Variants in OSBPL8 observed in about 807,000 individuals in gnomAD.
The protein encoded by OSBPL8 is oxysterol binding protein like 8.
A neutral mutation model predicts 125.5 loss-of-function variants in OSBPL8; 59 were observed. That is an observed-to-expected ratio of 0.47 (90% confidence interval 0.38 to 0.58). OSBPL8 has a LOEUF of 0.58. Ranked by LOEUF, OSBPL8 falls within the 20% of genes least tolerant of loss-of-function variation. The probability of loss-of-function intolerance (pLI) is 0.00; values close to 1 mark genes in which losing one functional copy is unlikely to be tolerated. For missense variants in OSBPL8, 758 were observed against 1,047.8 expected (o/e 0.72, Z 3.82); for synonymous variants, 330 against 338.9 (o/e 0.97, Z 0.29).
chr12:76,426,721 C>T (rs568423541), intron 4 of OSBPL8, among the ~76,000 whole-genome samples: 1 of 152,240 alleles, frequency 6.6e-6, no homozygotes, highest in South Asian at 2.1e-4. Context: ...AGTACATATA[C>T]ATGTAAATGT....
intron 2 of OSBPL8, among the ~76,000 whole-genome samples, chr12:76,472,635 G>C (rs1275269834): frequency 6.6e-6 from 1 of 152,258 alleles, no homozygotes; most frequent in African/African-American, 2.4e-5. Context: ...CCACTGGACA[G>C]GGGGCCCTTC....
At chr12:76,437,890 A>G (rs1456198543) in intron 4 of OSBPL8, among the ~76,000 whole-genome samples, 1 of 151,954 alleles carries the variant, frequency 6.6e-6, no homozygotes, top group Non-Finnish European at 1.5e-5. Flanking sequence ...ATTTTCTGTT[A>G]TTTTAAGTAG....
At position 76,547,608 on chromosome 12, in the gene OSBPL8, C is replaced by T. The variant is rs1157009410; in HGVS notation, c.-68+11789G>A. Among the ~76,000 whole-genome samples, 6 of 152,172 alleles carry T rather than the reference C, an allele frequency of 3.9e-5. No individual in the cohort carries two copies. The East Asian group carries it at 5.8e-4, about 15-fold the overall frequency. On this transcript the variant is annotated intron_variant, in intron 1 of 23. Coordinates refer to ENST00000261183, the MANE Select transcript of OSBPL8 (RefSeq NM_020841.5). The stretch of plus-strand genomic sequence containing the variant: ...GGAGGAAAAAATATCAACTACTGAA[C>T]CAAAGTAGCTATCACACATGAGGCA...
chr12:76,409,281 GAAGA>G (rs1435505661), intron 5 of OSBPL8, among the ~76,000 whole-genome samples: 1 of 152,112 alleles, frequency 6.6e-6, no homozygotes, highest in Admixed American at 6.5e-5. Context: ...CCTATCCTTA[GAAGA>G]AAGAATCCAA....
intron 12 of OSBPL8, among the ~76,000 whole-genome samples, chr12:76,389,393 T>C (rs1038863352): frequency 6.6e-6 from 1 of 152,204 alleles, no homozygotes; most frequent in African/African-American, 2.4e-5. Context: ...ACGGCAGTGT[T>C]GTTGAGTAAA....
At chr12:76,413,480 C>T (rs1035047627) in intron 4 of OSBPL8, among the ~76,000 whole-genome samples, 2 of 152,156 alleles carry the variant, frequency 1.3e-5, no homozygotes, top group Non-Finnish European at 2.9e-5. Context: ...GGAAATGTAT[C>T]GTGGTAGACA....
intron 22 of OSBPL8, 141 bp downstream of exon 22, chr12:76,358,565 G>A (rs1397543347): frequency 1.5e-6 from 1 of 651,044 alleles, no homozygotes; most frequent in Non-Finnish European, 2.7e-6. Flanking sequence ...ACTTATCTAT[G>A]ATCTAGAATT....
rs141694560 is a variant in OSBPL8, at chr12:76,357,009, T to G, written c.2435-281A>C. ...AATTCATTAGAAATACATATTAACT[T>G]GAGGAAGGTATTACTCTCTTCTGTT... On this transcript the variant is annotated intron_variant, in intron 22 of 23. Transcript: ENST00000261183. 2.8e-3 allele frequency among the ~76,000 whole-genome samples: 426 copies of G among 152,332 alleles called. 2 individuals carry two copies. The highest frequency in any genetic ancestry group is 9.9e-3 in the African/African-American group (410 of 41,588).
chr12:76,495,587 C>T (rs1879187760), intron 1 of OSBPL8, among the ~76,000 whole-genome samples: 1 of 152,030 alleles, frequency 6.6e-6, no homozygotes, highest in Non-Finnish European at 1.5e-5. Context: ...AAGTCTGATA[C>T]TATGTCTCTA....
At chr12:76,391,752 G>A (rs561438066) in intron 10 of OSBPL8, among the ~76,000 whole-genome samples, 1 of 151,954 alleles carries the variant, frequency 6.6e-6, no homozygotes, top group South Asian at 2.1e-4. Flanking sequence ...AACAGAGTGA[G>A]TCCCTGGCTC....
At chr12:76,549,770 T>C (rs1458319194) in intron 1 of OSBPL8, among the ~76,000 whole-genome samples, 3 of 152,152 alleles carry the variant, frequency 2.0e-5, no homozygotes, top group Non-Finnish European at 4.4e-5. Flanking sequence ...TATTTCTAAC[T>C]AACAATATTG....
At chr12:76,389,229 C>T (rs1953454034) in intron 12 of OSBPL8, among the ~76,000 whole-genome samples, 2 of 152,098 alleles carry the variant, frequency 1.3e-5, no homozygotes, top group South Asian at 4.2e-4. Context: ...TCTGGTAAGC[C>T]GTACATACCT....
At chr12:76,453,631 A>T (rs990840155) in intron 3 of OSBPL8, among the ~76,000 whole-genome samples, 21 of 152,188 alleles carry the variant, frequency 1.4e-4, no homozygotes, top group African/African-American at 5.1e-4. Flanking sequence ...AATCTTTAGA[A>T]TAAGAGAATA....
intron 1 of OSBPL8, among the ~76,000 whole-genome samples, chr12:76,537,464 T>C (rs1950528908): frequency 6.6e-6 from 1 of 152,186 alleles, no homozygotes; most frequent in Non-Finnish European, 1.5e-5. Flanking sequence ...GTGTTTCATA[T>C]ACAGAAAAGT....
chr12:76,433,534 A>G (rs1311069930), intron 4 of OSBPL8, among the ~76,000 whole-genome samples: 1 of 152,180 alleles, frequency 6.6e-6, no homozygotes, highest in Non-Finnish European at 1.5e-5. Flanking sequence ...ATAGTGATGA[A>G]GGAAATGAAA....
intron 1 of OSBPL8, among the ~76,000 whole-genome samples, chr12:76,498,828 T>C (rs1420556703): frequency 6.8e-6 from 1 of 147,976 alleles, no homozygotes; most frequent in Non-Finnish European, 1.5e-5. Context: ...CAGGTGATCA[T>C]CTCACCTCAA....
At chr12:76,386,086 A>G (rs1004520938) in intron 14 of OSBPL8, 82 bp downstream of exon 14, 15 of 1,509,156 alleles carry the variant, frequency 9.9e-6, no homozygotes, top group Non-Finnish European at 1.2e-5. Context: ...AATAATATTG[A>G]GTTTACTGGG....
At chr12:76,502,644 C>T (rs1880020192) in intron 1 of OSBPL8, among the ~76,000 whole-genome samples, 1 of 152,134 alleles carries the variant, frequency 6.6e-6, no homozygotes, top group African/African-American at 2.4e-5. Flanking sequence ...TGATTAAAGT[C>T]AACAGAAAAT....
intron 2 of OSBPL8, among the ~76,000 whole-genome samples, chr12:76,481,383 G>C (rs1041236964): frequency 1.3e-5 from 2 of 152,164 alleles, no homozygotes; most frequent in South Asian, 2.1e-4. Flanking sequence ...AAATGCCTTA[G>C]AGGCCAATTA....
Sources: gnomAD v4.1 joint callset for allele counts (sites outside exome capture counted in the v4.1 genomes callset) on GRCh38, gnomAD v4.1.1 for gene constraint, MANE v1.5 for transcripts, NCBI Gene and HGNC (gene_info 2026-07-23, HGNC 2026-07-21) for gene names.